Variants in TRAM2 observed in about 807,000 individuals in gnomAD.
TRAM2 encodes translocation associated membrane protein 2.
In TRAM2, 12 loss-of-function variants were observed where a neutral mutation model predicts 51.0. The observed-to-expected ratio is 0.24, with a 90% confidence interval of 0.15 to 0.38. TRAM2 has a LOEUF of 0.38. TRAM2 is among the 10% of genes least tolerant of loss of function. The pLI is 1.00. For synonymous variants in TRAM2, 175 were observed against 179.4 expected (o/e 0.98, Z 0.20); for missense variants, 361 against 462.0 (o/e 0.78, Z 2.00).
chr6:52,531,253 T>C (rs1766886846), intron 2 of TRAM2, among the ~76,000 whole-genome samples: 1 of 152,182 alleles, frequency 6.6e-6, no homozygotes, highest in Admixed American at 6.5e-5. Flanking sequence ...AGAAGTTTGC[T>C]TTCCTCCAGT....
Position 52,501,564 on chromosome 6 carries a change from T to A in TRAM2, c.*1633A>T, listed in dbSNP as rs1234960258. The A allele has an allele frequency of 6.6e-6, 1 of 152,240 alleles. No homozygotes were observed. Among genetic ancestry groups the A allele is most frequent in the East Asian group, 1.9e-4 (1 of 5,200 alleles). The allele number at this position is 152,240 out of a possible 1,614,324, so 9.4% of individuals were successfully genotyped here. A position where few individuals can be genotyped will look rare whatever the true frequency, so the allele number is the denominator to read the frequency against. ...TTCTTAATTGGGACTTTTGTTTTTT[T>A]AGACAGAATTTCGCTCTTGTTGTCC... On this transcript the variant is annotated 3_prime_UTR_variant, in exon 11 of 11. Coordinates refer to ENST00000182527, the MANE Select transcript of TRAM2 (RefSeq NM_012288.4).
rs760313374 is a variant in TRAM2, at chr6:52,506,121, G to C, written c.642C>G (p.Gly214=). ...AGTACTGCAGCAGCAGCAAGATCAG[G>C]CCCAGGCGGCTCAGGCTGGGGGTGG... ...GAYLLNLSRL[G]LILLLLQYST... The change falls in exon 8 of 11, where the codon GGC becomes GGG. Residue 214 remains glycine (G), a synonymous_variant. Coordinates refer to ENST00000182527, the MANE Select transcript of TRAM2 (RefSeq NM_012288.4). The C allele has an allele frequency of 1.9e-6, 3 of 1,613,970 alleles. No homozygotes were observed. In the African/African-American group the frequency reaches 4.0e-5, roughly 22 times the overall value.
intron 1 of TRAM2, among the ~76,000 whole-genome samples, chr6:52,574,777 G>A (rs1443862654): frequency 6.6e-6 from 1 of 152,150 alleles, no homozygotes; most frequent in Admixed American, 6.5e-5. Flanking sequence ...TAATGCACAG[G>A]ACTTTCCATA....
chr6:52,561,445 G>A (rs1444363230), intron 1 of TRAM2, among the ~76,000 whole-genome samples: 1 of 151,714 alleles, frequency 6.6e-6, no homozygotes, highest in Non-Finnish European at 1.5e-5. Context: ...GCCATGCCTG[G>A]CTAATTTCTT....
In TRAM2 at chr6:52,541,287, A is replaced by G. The variant is rs540847994; in HGVS notation, c.121-5441T>C. ...TTATTTGGTGCCATGCATGAGTCCA[A>G]GGGCTTCACATAAATCTATCTCATG... On this transcript the variant is annotated intron_variant, in intron 1 of 10. Transcript: ENST00000182527. 2.0e-5 allele frequency among the ~76,000 whole-genome samples: 3 copies of G among 152,320 alleles called. No homozygotes were observed. The South Asian group carries it at 6.2e-4, about 32-fold the overall frequency.
In TRAM2 at chr6:52,499,327, C is replaced by CT. The variant is rs1766157587; in HGVS notation, c.*3869dup. The CT allele has an allele frequency of 6.6e-6, 1 of 152,140 alleles. No individual in the cohort carries two copies. Among genetic ancestry groups the CT allele is most frequent in the African/African-American group, 2.4e-5 (1 of 41,414 alleles). The allele number at this position is 152,140 out of a possible 1,614,324, so 9.4% of individuals were successfully genotyped here. On this transcript the variant is annotated 3_prime_UTR_variant, in exon 11 of 11. Transcript: ENST00000182527. Reference sequence around the variant, plus strand: ...GCACTCCCTCTGTTAGAGGAGAGAGCTTAGAACATCAAGAATTGAAGTTTG... The same window carrying CT: ...GCACTCCCTCTGTTAGAGGAGAGAGCTTTAGAACATCAAGAATTGAAGTTTG...
chr6:52,522,665 A>G (rs764891300), intron 2 of TRAM2, among the ~76,000 whole-genome samples: 27 of 152,194 alleles, frequency 1.8e-4, no homozygotes, highest in Non-Finnish European at 3.1e-4. Flanking sequence ...CACCTTCAAT[A>G]ATGACCTTCC....
chr6:52,554,279 C>T (rs576202425), intron 1 of TRAM2, among the ~76,000 whole-genome samples: 1 of 152,116 alleles, frequency 6.6e-6, no homozygotes, highest in Non-Finnish European at 1.5e-5. Flanking sequence ...AATCCCAGCA[C>T]TTTGGGAAGT....
rs528455810 is a variant in TRAM2, at chr6:52,512,355, A to C, written c.412-2769T>G. Among the ~76,000 whole-genome samples the C allele has an allele frequency of 2.6e-5, 4 of 152,306 alleles. No individual in the cohort carries two copies. The East Asian group carries it at 7.7e-4, about 29-fold the overall frequency. On this transcript the variant is annotated intron_variant, in intron 4 of 10. Coordinates refer to ENST00000182527, the MANE Select transcript of TRAM2 (RefSeq NM_012288.4). Reference sequence around the variant, plus strand: ...CCAGAAAAATGTTGCCTGCTTGTGAATGTCCAGTCCACGGGGACTGGAGGA... The same window carrying C: ...CCAGAAAAATGTTGCCTGCTTGTGACTGTCCAGTCCACGGGGACTGGAGGA...
In TRAM2 at chr6:52,504,705, G is replaced by A. The variant is rs757947724; in HGVS notation, c.925C>T (p.Arg309Cys). The A allele has an allele frequency of 3.7e-6, 6 of 1,611,830 alleles. No homozygotes were observed. The highest frequency in any genetic ancestry group is 2.2e-5 in the East Asian group (1 of 44,854). ...VCAAQAWLMW[R>C]FIHSQLRHWR... Reference sequence around the variant, plus strand: ...TGCCGCAGCTGGGAGTGGATGAAGCGCCACATGAGCCAGGCCTGGGCGGCA... The same window carrying A: ...TGCCGCAGCTGGGAGTGGATGAAGCACCACATGAGCCAGGCCTGGGCGGCA... The change falls in exon 10 of 11, where the codon CGC becomes TGC. Residue 309 changes from arginine (R) to cysteine (C), a missense_variant. By Grantham distance (180) the Arg-to-Cys change is radical (BLOSUM62 -3). Transcript: ENST00000182527.
chr6:52,502,966 T>G lies in TRAM2; in HGVS notation c.*231A>C. 1 of 587,550 alleles carries G rather than the reference T, an allele frequency of 1.7e-6. No homozygotes were observed. Among genetic ancestry groups the G allele is most frequent in the East Asian group, 2.9e-5 (1 of 35,078 alleles). The allele number at this position is 587,550 out of a possible 1,614,324, so 36.4% of individuals were successfully genotyped here. ...ACAGGAGTGAGGACAGGAGGTGGCC[T>G]GAGGGGGAGAAAGAGAAAGATTTTT... is the stretch of plus-strand genomic sequence containing the variant. On this transcript the variant is annotated 3_prime_UTR_variant, in exon 11 of 11. Transcript: ENST00000182527.
rs1180136697 is a variant in TRAM2 at position 52,576,484 on chromosome 6, T to C, written c.120+312A>G. ...AAAGGGAACCCCACGCGTCAAGCCA[T>C]GGTGGCAGCGCGGCGGTTGGTTCGA... On this transcript the variant is annotated intron_variant, in intron 1 of 10. Coordinates refer to ENST00000182527, the MANE Select transcript of TRAM2 (RefSeq NM_012288.4). 2.0e-5 allele frequency among the ~76,000 whole-genome samples: 3 copies of C among 152,250 alleles called. No individual in the cohort carries two copies. The East Asian group carries it at 5.8e-4, about 29-fold the overall frequency.
Position 52,500,531 on chromosome 6 carries a change from T to TTTTG in TRAM2, c.*2665_*2666insCAAA, listed in dbSNP as rs1411018035. Reference sequence around the variant, plus strand: ...CATGGTCTCAGGGTTTTTTTTTGTTTTTTTTTTTTTTTTTACATAAAATAA... The same window carrying TTTTG: ...CATGGTCTCAGGGTTTTTTTTTGTTTTTTGTTTTTTTTTTTTTTACATAAAATAA... On this transcript the variant is annotated 3_prime_UTR_variant, in exon 11 of 11. Transcript: ENST00000182527. The TTTTG allele has an allele frequency of 4.0e-5, 5 of 125,708 alleles. No homozygotes were observed. Among genetic ancestry groups the TTTTG allele is most frequent in the African/African-American group, 1.5e-4 (5 of 33,348 alleles). 7.8% of individuals were successfully genotyped at this position (125,708 alleles called of 1,614,324 possible).
At position 52,504,776 on chromosome 6, in the gene TRAM2, G is replaced by A. The variant is rs539619839; in HGVS notation, c.876-22C>T. 377 of 1,577,904 alleles carry A rather than the reference G, an allele frequency of 2.4e-4. 3 individuals are homozygous for A. In the South Asian group the frequency reaches 4.1e-3, roughly 17 times the overall value. ...GAGCCTGCAGAGCAGGGGGTTAGGG[G>A]CTTAGGCTGGGGCTTGGGCTCACAG... On this transcript the variant is annotated intron_variant, in intron 9 of 10. Coordinates refer to ENST00000182527, the MANE Select transcript of TRAM2 (RefSeq NM_012288.4).
chr6:52,504,294 G>A (rs941967), intron 10 of TRAM2, among the ~76,000 whole-genome samples: 23,747 of 152,166 alleles, frequency 0.16, 2,437 homozygotes, highest in Non-Finnish European at 0.22. Context: ...GGGTCCAGAA[G>A]CCACCCTGAG....
rs982668832 is a variant in TRAM2, at chr6:52,572,188, G to T, written c.120+4608C>A. On this transcript the variant is annotated intron_variant, in intron 1 of 10. Coordinates refer to ENST00000182527, the MANE Select transcript of TRAM2 (RefSeq NM_012288.4). ...TCAAGAGAGTACGTGACCCTCCTTGGTTTCCTCTGTCTAACTTCTCTAGAA... is the reference window on the plus strand; with the variant it reads ...TCAAGAGAGTACGTGACCCTCCTTGTTTTCCTCTGTCTAACTTCTCTAGAA... 4.6e-5 allele frequency among the ~76,000 whole-genome samples: 7 copies of T among 152,180 alleles called. No homozygotes were observed. In the South Asian group the frequency reaches 6.2e-4, roughly 14 times the overall value.
chr6:52,535,533 T>A (rs1766964014), intron 2 of TRAM2, among the ~76,000 whole-genome samples: 1 of 151,746 alleles, frequency 6.6e-6, no homozygotes, highest in African/African-American at 2.4e-5. Context: ...GTACAAAAAT[T>A]AGTAGGGCGT....
chr6:52,504,750 A>T lies in TRAM2; in HGVS notation c.880T>A (p.Cys294Ser). Reference sequence around the variant, plus strand: ...GCGGCACACACCAGCAGCAGCACGCAGAGCCTGCAGAGCAGGGGGTTAGGG... The same window carrying T: ...GCGGCACACACCAGCAGCAGCACGCTGAGCCTGCAGAGCAGGGGGTTAGGG... ...GNFNTLFCRL[C>S]VLLLVCAAQA... Residue 294 changes from cysteine to serine, a missense_variant, in exon 10 of 11, where the codon TGC (cysteine) becomes AGC (serine). By Grantham distance (112) the Cys-to-Ser change is moderately radical. Transcript: ENST00000182527. The T allele has an allele frequency of 6.2e-7, 1 of 1,601,408 alleles. No individual in the cohort carries two copies. The highest frequency in any genetic ancestry group is 8.5e-7 in the Non-Finnish European group (1 of 1,175,796).
Position 52,515,703 on chromosome 6 carries a change from A to G in TRAM2, c.411+303T>C, listed in dbSNP as rs188022593. ...TGTTTGTAGAAGAGCCTTGTAAAAC[A>G]ATACAGTATTATGTAGATACATGGT... On this transcript the variant is annotated intron_variant, in intron 4 of 10. Transcript: ENST00000182527. Among the ~76,000 whole-genome samples, 521 of 152,354 alleles carry G rather than the reference A, an allele frequency of 3.4e-3. 1 individual carries two copies. The highest frequency in any genetic ancestry group is 5.7e-3 in the Non-Finnish European group (388 of 68,038).
Sources: gnomAD v4.1 joint callset for allele counts (sites outside exome capture counted in the v4.1 genomes callset) on GRCh38, gnomAD v4.1.1 for gene constraint, MANE v1.5 for transcripts, NCBI Gene and HGNC (gene_info 2026-07-23, HGNC 2026-07-21) for gene names.